Variants in CHD2 observed in about 807,000 individuals in gnomAD.
The protein encoded by CHD2 is ATP-dependent chromatin remodeler CHD2.
Under a neutral mutation model 243.9 loss-of-function variants are expected in CHD2, and 28 were observed. That is an observed-to-expected ratio of 0.11 (90% CI 0.09 to 0.16). The LOEUF is 0.16. Ranked by LOEUF, CHD2 falls within the 10% of genes least tolerant of loss-of-function variation. CHD2 has a pLI of 1.00. For synonymous variants in CHD2, 775 were observed against 779.0 expected (o/e 0.99, Z 0.09); for missense variants, 1,386 against 2,209.8 (o/e 0.63, Z 7.47).
intron 37 of CHD2, among the ~76,000 whole-genome samples, chr15:93,015,371 G>C (rs1258157531): frequency 1.3e-5 from 2 of 152,158 alleles, no homozygotes; most frequent in African/African-American, 2.4e-5. Context: ...GAACCACTGC[G>C]TCTGGCCCCC....
At chr15:92,909,109 AC>A (rs1317321163) in intron 2 of CHD2, among the ~76,000 whole-genome samples, 1 of 150,674 alleles carries the variant, frequency 6.6e-6, no homozygotes, top group East Asian at 2.0e-4. Context: ...AGACAGGGTG[AC>A]CAAAAAAAAA....
chr15:93,014,602 CAAG>C, intron 36 of CHD2, 91 bp from the exon 37 acceptor site: 1 of 1,090,904 alleles, frequency 9.2e-7, no homozygotes. Flanking sequence ...TTAAGAAGGA[CAAG>C]AAGGAGCTGT....
chr15:92,901,814 C>T (rs1446299082), intron 2 of CHD2: 12 of 251,818 alleles, frequency 4.8e-5, no homozygotes, highest in Non-Finnish European at 7.4e-6. Context: ...AACAAAATCA[C>T]TTAAAGGACC....
intron 20 of CHD2, among the ~76,000 whole-genome samples, chr15:92,975,877 C>G (rs6497012): frequency 0.77 from 116,560 of 151,982 alleles, 46,121 homozygotes; most frequent in East Asian, 1. Context: ...CCAAGGCTCT[C>G]GTTCATTAAG....
At chr15:93,020,897 G>C (rs1295031784) in intron 38 of CHD2, 1 of 153,146 alleles carries the variant, frequency 6.5e-6, no homozygotes, top group Non-Finnish European at 1.5e-5. Flanking sequence ...TCAAAGTCGT[G>C]CTTTGTTTTT....
intron 28 of CHD2, among the ~76,000 whole-genome samples, chr15:92,994,014 T>C (rs1228342635): frequency 6.6e-6 from 1 of 152,170 alleles, no homozygotes; most frequent in East Asian, 1.9e-4. Context: ...AATGAAGTTA[T>C]TATCATTCTA....
At chr15:92,905,463 A>G (rs1409773676) in intron 2 of CHD2, among the ~76,000 whole-genome samples, 2 of 152,216 alleles carry the variant, frequency 1.3e-5, no homozygotes, top group Admixed American at 6.5e-5. Flanking sequence ...CTGCCATACT[A>G]GAGTTTTTTT....
At chr15:92,992,419 G>T (rs1460125249) in intron 27 of CHD2, among the ~76,000 whole-genome samples, 1 of 152,164 alleles carries the variant, frequency 6.6e-6, no homozygotes, top group Admixed American at 6.5e-5. Context: ...ATGACATGGA[G>T]ATCAACTAAA....
intron 32 of CHD2, 73 bp downstream of exon 32, chr15:93,000,713 T>C: frequency 6.8e-7 from 1 of 1,468,624 alleles, no homozygotes; most frequent in Non-Finnish European, 9.2e-7. Flanking sequence ...TGGAATAAAA[T>C]CATCTGAAAT....
In CHD2 at chr15:92,944,475, A is replaced by G. The variant is rs1195107900; in HGVS notation, c.1113A>G (p.Ser371=). 1.2e-6 allele frequency: 2 copies of G among 1,609,984 alleles called. No homozygotes were observed. The highest frequency in any genetic ancestry group is 1.7e-6 in the Non-Finnish European group (2 of 1,176,836). ...EYFNCQQELA[S]ELNKQYQIVE... ...TCAATTGCCAACAGGAGCTGGCTTC[A>G]GAGTTGAATAAACAGTATCAGATAG... The change falls in exon 10 of 39, where the codon TCA becomes TCG. Residue 371 remains serine, a synonymous_variant. Transcript: ENST00000394196.
At chr15:92,904,516 G>C in intron 2 of CHD2, 3 of 996,024 alleles carry the variant, frequency 3.0e-6, no homozygotes, top group Non-Finnish European at 2.4e-6. Flanking sequence ...ACTCTAGTTG[G>C]GACTTTCCGG....
intron 4 of CHD2, among the ~76,000 whole-genome samples, chr15:92,928,441 T>A (rs2053104889): frequency 6.6e-6 from 1 of 152,248 alleles, no homozygotes; most frequent in South Asian, 2.1e-4. Flanking sequence ...GACTGTAAGC[T>A]TTCCTTGGCC....
At chr15:93,003,356 C>A (rs2054281358) in intron 33 of CHD2, among the ~76,000 whole-genome samples, 1 of 151,248 alleles carries the variant, frequency 6.6e-6, no homozygotes, top group Non-Finnish European at 1.5e-5. Flanking sequence ...ATGTTAGAAG[C>A]AATTTGAATT....
chr15:92,917,792 TACAC>T (rs900942386), intron 2 of CHD2, among the ~76,000 whole-genome samples: 1 of 152,070 alleles, frequency 6.6e-6, no homozygotes, highest in East Asian at 1.9e-4. Flanking sequence ...CACACGCACA[TACAC>T]ACACACACTC....
chr15:92,926,917 A>G (rs2053072781), intron 3 of CHD2, among the ~76,000 whole-genome samples: 1 of 152,234 alleles, frequency 6.6e-6, no homozygotes, highest in African/African-American at 2.4e-5. Flanking sequence ...TAGGGAATTT[A>G]AAATGTATCA....
intron 34 of CHD2, among the ~76,000 whole-genome samples, chr15:93,006,658 T>G (rs2054326072): frequency 6.6e-6 from 1 of 152,232 alleles, no homozygotes; most frequent in African/African-American, 2.4e-5. Flanking sequence ...TTAAGTGATT[T>G]GCCCTGTGTC....
At chr15:93,015,940 A>G (rs1030248943) in intron 37 of CHD2, among the ~76,000 whole-genome samples, 1 of 152,220 alleles carries the variant, frequency 6.6e-6, no homozygotes, top group Non-Finnish European at 1.5e-5. Context: ...ATGGAAAACA[A>G]TGCAGAGATG....
At chr15:93,000,738 A>G in intron 32 of CHD2, 98 bp downstream of exon 32, 1 of 1,311,924 alleles carries the variant, frequency 7.6e-7, no homozygotes, top group East Asian at 2.4e-5. Flanking sequence ...TTGGTTTACG[A>G]GTGGATTAAA....
Position 92,924,846 on chromosome 15 carries a change from T to A in CHD2, c.294+294T>A, listed in dbSNP as rs558713944. On this transcript the variant is annotated intron_variant, in intron 3 of 38. Coordinates refer to ENST00000394196, the MANE Select transcript of CHD2 (RefSeq NM_001271.4). The stretch of plus-strand genomic sequence containing the variant: ...CAGAGTCTTGCTCTGTTGCCCAGCC[T>A]GGAGTGCGCAGTGGCACGATCTTGG... 2.3e-3 allele frequency among the ~76,000 whole-genome samples: 354 copies of A among 152,268 alleles called. 3 individuals carry two copies. Among genetic ancestry groups the A allele is most frequent in the African/African-American group, 8.3e-3 (344 of 41,552 alleles).
Sources: gnomAD v4.1 joint callset for allele counts (sites outside exome capture counted in the v4.1 genomes callset) on GRCh38, gnomAD v4.1.1 for gene constraint, MANE v1.5 for transcripts, NCBI Gene and HGNC (gene_info 2026-07-23, HGNC 2026-07-21) for gene names.